The following ODC1 variants were observed in gnomAD, a reference collection of about 807,000 sequenced individuals.
ODC1 encodes the protein ornithine decarboxylase.
Under a neutral mutation model 41.5 loss-of-function variants are expected in ODC1, and 18 were observed. That is an observed-to-expected ratio of 0.43 (90% CI 0.30 to 0.64). The LOEUF is 0.64. Among genes scored for constraint, ODC1 ranks in the 30% least tolerant of loss-of-function variants. ODC1 has a pLI of 0.11. For synonymous variants in ODC1, 218 were observed against 211.6 expected, an observed-to-expected ratio of 1.03 and a Z score of -0.26; for missense variants, 504 against 589.0, an observed-to-expected ratio of 0.86 and a Z score of 1.49.
intron 1 of ODC1, chr2:10,447,463 T>A (rs1672063063): frequency 6.6e-6 from 1 of 152,262 alleles, no homozygotes; most frequent in Non-Finnish European, 1.5e-5. Flanking sequence ...CAATCAGCCT[T>A]TTCTGCAAAC....
Position 10,444,939 on chromosome 2 carries a change from A to T in ODC1, c.94T>A (p.Ser32Thr). Reference protein sequence around the residue: ...DILDQKINEVSSSDDKDAFYV... With the variant: ...DILDQKINEVTSSDDKDAFYV... ...GGGCCTCATATACTTACAGAAGAAG[A>T]AACTTCATTAATTTTCTGGTCCAGA... Residue 32 changes from serine to threonine, a missense_variant, in exon 3 of 12, where the codon TCT becomes ACT. Coordinates refer to ENST00000234111, the MANE Select transcript of ODC1 (RefSeq NM_002539.3). 6.2e-7 allele frequency: 1 copy of T among 1,610,886 alleles called. No individual in the cohort carries two copies. The highest frequency in any genetic ancestry group is 8.5e-7 in the Non-Finnish European group (1 of 1,177,182).
In ODC1 at chr2:10,443,546, C is replaced by G. The variant is rs765352140; in HGVS notation, c.610G>C (p.Asp204His). ...VSFHVGSGCT[D>H]PETFVQAISD... is the part of the protein sequence containing the mutation. ...ATTGCCTGCACGAAGGTCTCAGGAT[C>G]GGTACAGCCGCTTCCTACATGGAAG... is the stretch of plus-strand genomic sequence containing the variant. Residue 204 changes from aspartate (D) to histidine (H), a missense_variant, in exon 7 of 12, where the codon GAT becomes CAT. Asp to His is a moderately conservative substitution (Grantham distance 81). Transcript: ENST00000234111. The G allele has an allele frequency of 1.2e-6, 2 of 1,613,830 alleles. No individual in the cohort carries two copies. The highest frequency in any genetic ancestry group is 1.7e-6 in the Non-Finnish European group (2 of 1,179,820).
Position 10,441,905 on chromosome 2 carries a change from G to T in ODC1, c.938C>A (p.Thr313Asn). 2 of 1,614,028 alleles carry T rather than the reference G, an allele frequency of 1.2e-6. No individual in the cohort carries two copies. Among genetic ancestry groups the T allele is most frequent in the Non-Finnish European group, 1.7e-6 (2 of 1,180,012 alleles). ...SDDEDESSEQ[T>N]FMYYVNDGVY... ...GCCATCATTCACATAATACATAAAGGTCTGCTCACTCGACTCATCTTCGTC... is the reference window on the plus strand; with the variant it reads ...GCCATCATTCACATAATACATAAAGTTCTGCTCACTCGACTCATCTTCGTC... Residue 313 changes from threonine (T) to asparagine (N), a missense_variant, in exon 10 of 12, where the codon ACC becomes AAC. Around this residue, in one of 3 missense-constraint regions of ODC1, gnomAD observed 447 missense variants for 524.4 expected, o/e 0.85. Coordinates refer to ENST00000234111, the MANE Select transcript of ODC1 (RefSeq NM_002539.3).
At chr2:10,442,261 A>C in intron 8 of ODC1, 87 bp from the exon 9 acceptor site, 1 of 1,314,298 alleles carries the variant, frequency 7.6e-7, no homozygotes, top group Admixed American at 2.4e-5. Flanking sequence ...TTGTGACATG[A>C]CATCATGAGA....
chr2:10,440,716 A>G lies in ODC1; in HGVS notation c.*8T>C. 6.2e-7 allele frequency: 1 copy of G among 1,610,470 alleles called. No individual in the cohort carries two copies. Among genetic ancestry groups the G allele is most frequent in the Non-Finnish European group, 8.5e-7 (1 of 1,178,104 alleles). On this transcript the variant is annotated 3_prime_UTR_variant, in exon 12 of 12. Transcript: ENST00000234111. ...TAAACTTGCAGTTAACAGCTACCAG[A>G]GTGCTATCTACACATTAATACTAGC...
At chr2:10,447,330 T>C (rs1672057754) in intron 1 of ODC1, 1 of 152,232 alleles carries the variant, frequency 6.6e-6, no homozygotes, top group South Asian at 2.1e-4. Flanking sequence ...CACAAATCAA[T>C]TAAAGTCTGC....
chr2:10,446,135 T>C (rs1394528735), intron 1 of ODC1, among the ~76,000 whole-genome samples: 4 of 135,636 alleles, frequency 2.9e-5, no homozygotes, highest in African/African-American at 7.4e-5. Flanking sequence ...ATTCAGTATT[T>C]TTTTTTTTTT....
intron 1 of ODC1, among the ~76,000 whole-genome samples, chr2:10,446,356 T>G (rs1226628700): frequency 1.3e-5 from 2 of 152,144 alleles, no homozygotes; most frequent in Non-Finnish European, 2.9e-5. Context: ...GTCAGGCTGG[T>G]CTCCAACTCC....
chr2:10,445,272 A>G lies in ODC1; in HGVS notation c.-127-8T>C, dbSNP rs886929236. The G allele has an allele frequency of 9.3e-6, 4 of 432,424 alleles. No individual in the cohort carries two copies. The highest frequency in any genetic ancestry group is 8.1e-5 in the African/African-American group (4 of 49,312). 26.8% of individuals were successfully genotyped at this position (432,424 alleles called of 1,614,324 possible). A position where few individuals can be genotyped will look rare whatever the true frequency, so the allele number is the denominator to read the frequency against. ...TGGAACAGCAGTGACAATCTGAGAA[A>G]TAAAATAGGGAATTTGCTGTCTACC... On this transcript the variant is annotated splice_region_variant and splice_polypyrimidine_tract_variant and intron_variant, in intron 1 of 11. Coordinates refer to ENST00000234111, the MANE Select transcript of ODC1 (RefSeq NM_002539.3).
At chr2:10,441,471 A>T (rs968012662) in intron 11 of ODC1, 38 bp downstream of exon 11, 1 of 1,590,220 alleles carries the variant, frequency 6.3e-7, no homozygotes, top group African/African-American at 1.3e-5. Context: ...GAAGGTGCCT[A>T]TTCTTGGCAG....
At chr2:10,440,960 A>ATTT in intron 11 of ODC1, 92 bp from the exon 12 acceptor site, 5 of 1,143,608 alleles carry the variant, frequency 4.4e-6, no homozygotes, top group Non-Finnish European at 5.9e-6. Flanking sequence ...AATTCAATGT[A>ATTT]TTTTTTTTTT....
At chr2:10,441,776 C>T in intron 10 of ODC1, 41 bp downstream of exon 10, 1 of 1,611,644 alleles carries the variant, frequency 6.2e-7, no homozygotes, top group South Asian at 1.1e-5. Context: ...GTGTTGTGAC[C>T]AGTCCTCTTA....
chr2:10,441,027 G>C lies in ODC1; in HGVS notation c.1242-159C>G, dbSNP rs150895708. On this transcript the variant is annotated intron_variant, in intron 11 of 11. Coordinates refer to ENST00000234111, the MANE Select transcript of ODC1 (RefSeq NM_002539.3). ...GCTGGAATACAATGGTGCTATCATAGCTCACCGCAGCCTCAACCTCCCAGG... is the reference window on the plus strand; with the variant it reads ...GCTGGAATACAATGGTGCTATCATACCTCACCGCAGCCTCAACCTCCCAGG... Among the ~76,000 whole-genome samples, 1,137 of 151,904 alleles carry C rather than the reference G, an allele frequency of 7.5e-3. 13 individuals carry two copies. Among genetic ancestry groups the C allele is most frequent in the South Asian group, 0.039 (190 of 4,816 alleles).
chr2:10,444,766 G>A, intron 3 of ODC1, 119 bp from the exon 4 acceptor site: 1 of 903,134 alleles, frequency 1.1e-6, no homozygotes, highest in Non-Finnish European at 1.7e-6. Context: ...TCTAGCCACT[G>A]ATATGAGTAT....
At chr2:10,443,858 C>T (rs373940182) in intron 5 of ODC1, 22 bp from the exon 6 acceptor site, 23 of 1,611,710 alleles carry the variant, frequency 1.4e-5, no homozygotes, top group East Asian at 4.5e-5. Flanking sequence ...GAAAGTGCAG[C>T]AAATGTCTCA....
At chr2:10,443,958 G>C in intron 5 of ODC1, 122 bp from the exon 6 acceptor site, 1 of 1,460,496 alleles carries the variant, frequency 6.8e-7, no homozygotes, top group African/African-American at 1.4e-5. Flanking sequence ...TGAGTCCCAG[G>C]CTTCATGACT....
chr2:10,443,248 C>T lies in ODC1; in HGVS notation c.732G>A (p.Val244=). The T allele has an allele frequency of 6.2e-7, 1 of 1,612,090 alleles. No homozygotes were observed. The highest frequency in any genetic ancestry group is 8.5e-7 in the Non-Finnish European group (1 of 1,179,440). ...IGGGFPGSED[V]KLKFEEITGV... ...AAATTACCTCTTCAAATTTAAGTTT[C>T]ACATCCTCAGATCCAGGAAAGCCAC... Residue 244 remains valine (V), a synonymous_variant, in exon 8 of 12, where the codon GTG becomes GTA. Coordinates refer to ENST00000234111, the MANE Select transcript of ODC1 (RefSeq NM_002539.3).
intron 1 of ODC1, among the ~76,000 whole-genome samples, chr2:10,446,132 AT>A (rs924969719): frequency 0.029 from 3,874 of 134,482 alleles, 125 homozygotes; most frequent in African/African-American, 0.086. Context: ...AGAATTCAGT[AT>A]TTTTTTTTTT....
In ODC1 at chr2:10,441,820, T is replaced by C; in HGVS notation, c.1023A>G (p.Gln341=). The C allele has an allele frequency of 1.2e-6, 2 of 1,614,120 alleles. No individual in the cohort carries two copies. Among genetic ancestry groups the C allele is most frequent in the Non-Finnish European group, 1.7e-6 (2 of 1,179,952 alleles). Reference sequence around the variant, plus strand: ...ATACAGTATGCTCAGAAATTACCTTTTGCAGAAGGGGCTTTACATGTGCGT... The same window carrying C: ...ATACAGTATGCTCAGAAATTACCTTCTGCAGAAGGGGCTTTACATGTGCGT... ...YDHAHVKPLL[Q]KRPKPDEKYY... The change falls in exon 10 of 12, where the codon CAA becomes CAG. Residue 341 remains glutamine, a synonymous_variant. Coordinates refer to ENST00000234111, the MANE Select transcript of ODC1 (RefSeq NM_002539.3).
Sources: allele counts gnomAD v4.1 joint callset (sites outside exome capture counted in the v4.1 genomes callset), GRCh38; gene constraint gnomAD v4.1.1; regional missense constraint gnomAD v4.1.1; transcripts MANE v1.5; gene names NCBI Gene and HGNC (gene_info 2026-07-23, HGNC 2026-07-21).